SPOCK1: variants seen among roughly 807,000 people sequenced by gnomAD.
The protein encoded by SPOCK1 is SPARC (osteonectin), cwcv and kazal like domains proteoglycan 1.
SPOCK1 carries 23 observed loss-of-function variants against 55.3 expected under a neutral mutation model. That is an observed-to-expected ratio of 0.42 (90% CI 0.30 to 0.59). The LOEUF is 0.59. Ranked by LOEUF, SPOCK1 falls within the 20% of genes least tolerant of loss-of-function variation. SPOCK1 has a pLI of 0.22. For synonymous variants in SPOCK1, 226 were observed against 221.0 expected (o/e 1.02, Z -0.20); for missense variants, 499 against 552.5 (o/e 0.90, Z 0.97).
chr5:137,237,890 C>T (rs543648095), intron 3 of SPOCK1, among the ~76,000 whole-genome samples: 1 of 152,190 alleles, frequency 6.6e-6, no homozygotes, highest in East Asian at 1.9e-4. Context: ...GGGGGCTACA[C>T]TTGAAGGCAC....
intron 2 of SPOCK1, among the ~76,000 whole-genome samples, chr5:137,402,035 G>A (rs913634630): frequency 6.6e-6 from 1 of 152,132 alleles, no homozygotes; most frequent in Non-Finnish European, 1.5e-5. Context: ...ATTTATTAGT[G>A]TTATCTCAGA....
chr5:137,384,712 G>A (rs143538096), intron 2 of SPOCK1, among the ~76,000 whole-genome samples: 2,111 of 151,784 alleles, frequency 0.014, 47 homozygotes, highest in African/African-American at 0.048. Context: ...CCTTGGTTGC[G>A]GCAGTAAAAC....
At chr5:137,030,182 G>A (rs1195949651) in intron 6 of SPOCK1, among the ~76,000 whole-genome samples, 1 of 152,248 alleles carries the variant, frequency 6.6e-6, no homozygotes, top group African/African-American at 2.4e-5. Context: ...ATACCGGGTA[G>A]AGTGATGGAT....
chr5:137,145,210 A>C (rs898149563), intron 3 of SPOCK1, among the ~76,000 whole-genome samples: 1 of 152,234 alleles, frequency 6.6e-6, no homozygotes, highest in African/African-American at 2.4e-5. Flanking sequence ...GAGATTTGTT[A>C]AGCTGTAAAG....
chr5:137,493,379 G>C (rs1295544479), intron 2 of SPOCK1, among the ~76,000 whole-genome samples: 3 of 152,164 alleles, frequency 2.0e-5, no homozygotes. Flanking sequence ...CCACTTCTTG[G>C]TTTTGAAACT....
chr5:137,013,137 G>A (rs562650656), intron 6 of SPOCK1, among the ~76,000 whole-genome samples: 1 of 152,118 alleles, frequency 6.6e-6, no homozygotes, highest in Non-Finnish European at 1.5e-5. Flanking sequence ...GAAGAGCATG[G>A]TTCTTTTTCT....
chr5:137,077,048 T>C (rs1426737488), intron 5 of SPOCK1, among the ~76,000 whole-genome samples: 2 of 152,068 alleles, frequency 1.3e-5, no homozygotes, highest in African/African-American at 4.8e-5. Context: ...CTCACCCTCC[T>C]AAGTAGCTGG....
At position 137,067,705 on chromosome 5, in the gene SPOCK1, C is replaced by T; in HGVS notation, c.589+10G>A. 1 of 1,612,564 alleles carries T rather than the reference C, an allele frequency of 6.2e-7. No homozygotes were observed. Among genetic ancestry groups the T allele is most frequent in the Non-Finnish European group, 8.5e-7 (1 of 1,178,696 alleles). ...TGCCCACGAATTCTCTGAAGGAAAC[C>T]CTCACTCACCACTCCTTTCTGCCTT... On this transcript the variant is annotated intron_variant, in intron 6 of 10. Coordinates refer to ENST00000394945, the MANE Select transcript of SPOCK1 (RefSeq NM_004598.4).
At chr5:137,323,880 G>A (rs1219399786) in intron 2 of SPOCK1, among the ~76,000 whole-genome samples, 1 of 152,182 alleles carries the variant, frequency 6.6e-6, no homozygotes, top group Non-Finnish European at 1.5e-5. Context: ...ATCAGATAGT[G>A]TAAATTAGTA....
intron 4 of SPOCK1, among the ~76,000 whole-genome samples, chr5:137,119,031 G>A (rs1228627484): frequency 6.6e-6 from 1 of 151,964 alleles, no homozygotes; most frequent in East Asian, 1.9e-4. Context: ...TTTACAGATC[G>A]AAAAAATAAG....
intron 2 of SPOCK1, among the ~76,000 whole-genome samples, chr5:137,479,028 C>T (rs1473476456): frequency 6.6e-6 from 1 of 151,562 alleles, no homozygotes; most frequent in East Asian, 1.9e-4. Flanking sequence ...GGTCACCAGC[C>T]TTTGGGGTCA....
In SPOCK1 at chr5:137,328,790, A is replaced by C. The variant is rs530550575; in HGVS notation, c.187-61735T>G. Among the ~76,000 whole-genome samples, 25 of 152,210 alleles carry C rather than the reference A, an allele frequency of 1.6e-4. No homozygotes were observed. In the South Asian group the frequency reaches 4.8e-3, roughly 29 times the overall value. On this transcript the variant is annotated intron_variant, in intron 2 of 10. Transcript: ENST00000394945. ...AGTACGCGGCAGAACCACACCACCA[A>C]CCCAAGCCATCTGCATCACTACTTC... is the stretch of plus-strand genomic sequence containing the variant.
At chr5:137,329,665 G>A (rs1390792565) in intron 2 of SPOCK1, among the ~76,000 whole-genome samples, 1 of 152,190 alleles carries the variant, frequency 6.6e-6, no homozygotes, top group Non-Finnish European at 1.5e-5. Flanking sequence ...AGGGAACACA[G>A]AGGAGCGGTG....
intron 2 of SPOCK1, among the ~76,000 whole-genome samples, chr5:137,357,041 A>T: frequency 6.6e-6 from 1 of 151,258 alleles, no homozygotes; most frequent in East Asian, 2.0e-4. Flanking sequence ...TGACCTGGCC[A>T]TTAGCAAAGA....
At chr5:137,324,678 A>T (rs952453578) in intron 2 of SPOCK1, among the ~76,000 whole-genome samples, 11 of 152,212 alleles carry the variant, frequency 7.2e-5, no homozygotes, top group Admixed American at 7.2e-4. Context: ...GTCATGCAAG[A>T]TGAAAAAGTT....
At chr5:137,455,775 T>TA (rs1753351625) in intron 2 of SPOCK1, among the ~76,000 whole-genome samples, 2 of 151,980 alleles carry the variant, frequency 1.3e-5, no homozygotes, top group Non-Finnish European at 2.9e-5. Flanking sequence ...ACACCTGTAA[T>TA]CCCAGCACTT....
chr5:137,488,057 C>A (rs1381312955), intron 2 of SPOCK1, among the ~76,000 whole-genome samples: 1 of 152,170 alleles, frequency 6.6e-6, no homozygotes, highest in Non-Finnish European at 1.5e-5. Flanking sequence ...CCTAAAAATA[C>A]AGTCTGAGAA....
At chr5:137,048,905 A>T in intron 6 of SPOCK1, among the ~76,000 whole-genome samples, 1 of 76,510 alleles carries the variant, frequency 1.3e-5, no homozygotes. Context: ...TATGAAGCTT[A>T]GTTTGGCTGG....
chr5:137,464,027 G>A (rs1282969022), intron 2 of SPOCK1, among the ~76,000 whole-genome samples: 1 of 152,180 alleles, frequency 6.6e-6, no homozygotes, highest in East Asian at 1.9e-4. Context: ...GGCCAGGCAT[G>A]GCGGCTCATG....
Sources: gnomAD v4.1 joint callset for allele counts (sites outside exome capture counted in the v4.1 genomes callset) on GRCh38, gnomAD v4.1.1 for gene constraint, MANE v1.5 for transcripts, NCBI Gene and HGNC (gene_info 2026-07-23, HGNC 2026-07-21) for gene names.